The following CSMD1 variants were observed in gnomAD, a reference collection of about 807,000 sequenced individuals.
CSMD1 encodes the protein CUB and sushi domain-containing protein 1.
In CSMD1, 213 loss-of-function variants were observed where a neutral mutation model predicts 417.5. That is an observed-to-expected ratio of 0.51 (90% confidence interval 0.46 to 0.57). CSMD1 has a LOEUF of 0.57. Among genes scored for constraint, CSMD1 ranks in the 20% least tolerant of loss-of-function variants. The pLI is 0.00. For synonymous variants in CSMD1, 2,862 were observed against 1,736.8 expected, an observed-to-expected ratio of 1.65 and a Z score of -16.11; for missense variants, 6,923 against 4,529.7, an observed-to-expected ratio of 1.53 and a Z score of -15.17.
chr8:2,975,890 G>C (rs1223143117), intron 55 of CSMD1, among the ~76,000 whole-genome samples: 1 of 152,120 alleles, frequency 6.6e-6, no homozygotes, highest in African/African-American at 2.4e-5. Flanking sequence ...CCAGCTCCTG[G>C]AGACTTGAGG....
At chr8:3,940,354 G>C (rs1311191601) in intron 5 of CSMD1, among the ~76,000 whole-genome samples, 3 of 151,954 alleles carry the variant, frequency 2.0e-5, no homozygotes, top group African/African-American at 4.8e-5. Context: ...GTTAGCAATG[G>C]TGGGGGGAAA....
At chr8:4,397,209 A>T (rs751235793) in intron 3 of CSMD1, among the ~76,000 whole-genome samples, 1 of 152,172 alleles carries the variant, frequency 6.6e-6, no homozygotes, top group Non-Finnish European at 1.5e-5. Flanking sequence ...TTTTAAAAAA[A>T]ACAAGAACAG....
intron 3 of CSMD1, among the ~76,000 whole-genome samples, chr8:4,214,194 G>A (rs1233402427): frequency 6.6e-6 from 1 of 152,102 alleles, no homozygotes; most frequent in Non-Finnish European, 1.5e-5. Flanking sequence ...ATAGGATACG[G>A]CTCAATAGAT....
At position 3,979,250 on chromosome 8, in the gene CSMD1, C is replaced by CT. The variant is rs774431192; in HGVS notation, c.818+18652dup. 1.1e-4 allele frequency among the ~76,000 whole-genome samples: 16 copies of CT among 152,288 alleles called. 1 individual carries two copies. The South Asian group carries it at 3.3e-3, about 32-fold the overall frequency. On this transcript the variant is annotated intron_variant, in intron 5 of 69. Transcript: ENST00000635120. ...TTTTAGGCCAGGAAATTTAGGGCAT[C>CT]TTTTTGTTTTGGGAGCGGATTGCAA...
At chr8:4,445,599 CTG>C (rs1200960368) in intron 2 of CSMD1, among the ~76,000 whole-genome samples, 1 of 152,132 alleles carries the variant, frequency 6.6e-6, no homozygotes, top group Non-Finnish European at 1.5e-5. Flanking sequence ...TAAGAAAGAA[CTG>C]TGTGTTCAGA....
chr8:3,468,686 C>T (rs1816919912), intron 12 of CSMD1, 26 bp downstream of exon 12: 1 of 1,460,106 alleles, frequency 6.8e-7, no homozygotes, highest in East Asian at 2.3e-5. Context: ...TAACTTCCAA[C>T]CCTGTGAAGT....
intron 3 of CSMD1, among the ~76,000 whole-genome samples, chr8:4,125,085 T>C (rs1802687266): frequency 1.3e-5 from 2 of 150,586 alleles, no homozygotes; most frequent in African/African-American, 4.9e-5. Context: ...CACGGCTTCA[T>C]TCCTTGAAGC....
intron 4 of CSMD1, among the ~76,000 whole-genome samples, chr8:4,010,300 T>C (rs1034047850): frequency 2.0e-5 from 3 of 152,088 alleles, no homozygotes; most frequent in African/African-American, 4.8e-5. Flanking sequence ...CATAATAATC[T>C]GGCACCCTCT....
At chr8:4,014,523 A>T (rs1796429998) in intron 4 of CSMD1, among the ~76,000 whole-genome samples, 1 of 152,168 alleles carries the variant, frequency 6.6e-6, no homozygotes, top group Non-Finnish European at 1.5e-5. Context: ...CTCTTCAAGG[A>T]CTACTATGCG....
chr8:3,973,404 AC>A lies in CSMD1; in HGVS notation c.818+24498del, dbSNP rs1813213727. On this transcript the variant is annotated intron_variant, in intron 5 of 69. Coordinates refer to ENST00000635120, the MANE Select transcript of CSMD1 (RefSeq NM_033225.6). ...TATTCACCTACTGTTGTCACCTGTC[AC>A]ACCCTACTAGTGAAGTTTATGCAAA... 2.0e-5 allele frequency among the ~76,000 whole-genome samples: 3 copies of A among 152,252 alleles called. No individual in the cohort carries two copies. The South Asian group carries it at 6.2e-4, about 32-fold the overall frequency.
chr8:4,131,693 G>T (rs1803113809), intron 3 of CSMD1, among the ~76,000 whole-genome samples: 1 of 146,486 alleles, frequency 6.8e-6, no homozygotes, highest in African/African-American at 2.5e-5. Context: ...TGCATCCCTT[G>T]CAAAAAATAT....
intron 21 of CSMD1, among the ~76,000 whole-genome samples, chr8:3,349,667 G>T (rs4875660): frequency 0.73 from 109,011 of 149,178 alleles, 40,364 homozygotes; most frequent in African/African-American, 0.85. Context: ...TTATAATTCT[G>T]TAAAAATCAT....
intron 1 of CSMD1, among the ~76,000 whole-genome samples, chr8:4,993,298 G>T (rs1324770376): frequency 6.7e-6 from 1 of 149,128 alleles, no homozygotes; most frequent in Admixed American, 6.7e-5. Flanking sequence ...CTATGGAAGT[G>T]CTGACTGATA....
chr8:4,234,342 T>C (rs1441068073), intron 3 of CSMD1, among the ~76,000 whole-genome samples: 2 of 152,074 alleles, frequency 1.3e-5, no homozygotes, highest in East Asian at 3.9e-4. Context: ...GGGCCGAGGC[T>C]CCTGAAGCAG....
chr8:4,771,595 G>C (rs62484606), intron 1 of CSMD1, among the ~76,000 whole-genome samples: 7,559 of 152,216 alleles, frequency 0.05, 298 homozygotes, highest in Non-Finnish European at 0.077. Flanking sequence ...TTGAAATATT[G>C]AGTAATTAAA....
intron 1 of CSMD1, among the ~76,000 whole-genome samples, chr8:4,732,952 G>A (rs1809999446): frequency 6.6e-6 from 1 of 152,006 alleles, no homozygotes; most frequent in Non-Finnish European, 1.5e-5. Flanking sequence ...GGAGAAGGAG[G>A]GAACAGGTGC....
intron 1 of CSMD1, among the ~76,000 whole-genome samples, chr8:4,763,416 A>C (rs776344116): frequency 2.3e-4 from 35 of 152,292 alleles, no homozygotes; most frequent in Non-Finnish European, 3.7e-4. Flanking sequence ...GCTGAGAGTA[A>C]AATATAGGTC....
At chr8:4,784,749 T>C (rs1028455418) in intron 1 of CSMD1, among the ~76,000 whole-genome samples, 1 of 152,196 alleles carries the variant, frequency 6.6e-6, no homozygotes, top group African/African-American at 2.4e-5. Flanking sequence ...TGAAGTCATA[T>C]CTGCAAAGAT....
At chr8:3,059,065 C>G (rs1563291285) in intron 49 of CSMD1, among the ~76,000 whole-genome samples, 1 of 151,916 alleles carries the variant, frequency 6.6e-6, no homozygotes. Flanking sequence ...AGTGAGAATC[C>G]TGTTCCCCGC....
Sources: gnomAD v4.1 joint callset for allele counts (sites outside exome capture counted in the v4.1 genomes callset) on GRCh38, gnomAD v4.1.1 for gene constraint, MANE v1.5 for transcripts, NCBI Gene and HGNC (gene_info 2026-07-23, HGNC 2026-07-21) for gene names.